ADCY5: variants seen among roughly 807,000 people sequenced by gnomAD.
ADCY5 encodes adenylate cyclase type 5.
Under a neutral mutation model 119.7 loss-of-function variants are expected in ADCY5, and 30 were observed. The ratio of observed to expected loss-of-function variants is 0.25; its 90% confidence interval spans 0.19 to 0.34. The LOEUF (loss-of-function observed/expected upper bound fraction) is 0.34. ADCY5 is among the 10% of genes least tolerant of loss of function. The pLI, the probability that ADCY5 is intolerant of heterozygous loss-of-function variation, is 1.00. For missense variants in ADCY5, 1,324 were observed against 1,775.2 expected (o/e 0.75, Z 4.57); for synonymous variants, 753 against 762.2 (o/e 0.99, Z 0.20).
intron 1 of ADCY5, among the ~76,000 whole-genome samples, chr3:123,445,863 A>G (rs1421646971): frequency 6.6e-6 from 1 of 152,226 alleles, no homozygotes; most frequent in Non-Finnish European, 1.5e-5. Context: ...GGATTTGTGC[A>G]TCCATGGAGG....
intron 12 of ADCY5, among the ~76,000 whole-genome samples, chr3:123,309,921 T>C (rs2108296737): frequency 6.6e-6 from 1 of 152,002 alleles, no homozygotes; most frequent in East Asian, 1.9e-4. Flanking sequence ...AAGGTGGGTT[T>C]AGCTACACGC....
At chr3:123,379,069 G>A (rs866717273) in intron 1 of ADCY5, among the ~76,000 whole-genome samples, 7 of 152,082 alleles carry the variant, frequency 4.6e-5, no homozygotes, top group African/African-American at 1.7e-4. Flanking sequence ...TAGTTTCCAC[G>A]AAGGCTGAGA....
At chr3:123,383,737 G>A (rs1418410817) in intron 1 of ADCY5, among the ~76,000 whole-genome samples, 3 of 152,060 alleles carry the variant, frequency 2.0e-5, no homozygotes. Flanking sequence ...AGAGGGAAAG[G>A]AAAATGTACA....
At position 123,355,965 on chromosome 3, in the gene ADCY5, A is replaced by C. The variant is rs150771816; in HGVS notation, c.1135-3384T>G. On this transcript the variant is annotated intron_variant, in intron 1 of 20. Transcript: ENST00000462833. The stretch of plus-strand genomic sequence containing the variant: ...ATGTGGTACTAGCATAAGGGTAGAA[A>C]TATAGATATATGGAATAGAATTTAA... 2.7e-4 allele frequency among the ~76,000 whole-genome samples: 41 copies of C among 152,360 alleles called. 1 individual carries two copies. In the East Asian group the frequency reaches 7.9e-3, roughly 29 times the overall value.
chr3:123,426,136 T>C (rs987568090), intron 1 of ADCY5, among the ~76,000 whole-genome samples: 1 of 152,106 alleles, frequency 6.6e-6, no homozygotes, highest in Non-Finnish European at 1.5e-5. Context: ...CATCATGATA[T>C]CTCATTTCAT....
Position 123,291,227 on chromosome 3 carries a change from C to T in ADCY5, c.3213G>A (p.Ala1071=), listed in dbSNP as rs111603078. The part of the protein sequence containing the change: ...ELYYQSCECV[A]VMFASIANFS... ...AGTTGGCGATGGAGGCGAACATGAC[C>T]GCCACACACTCACAGGACTGATAGT... is the stretch of plus-strand genomic sequence containing the variant. The change falls in exon 18 of 21, where the codon GCG becomes GCA. Residue 1071 remains alanine, a synonymous_variant. Transcript: ENST00000462833. The T allele has an allele frequency of 4.8e-5, 78 of 1,613,942 alleles. No individual in the cohort carries two copies. The highest frequency in any genetic ancestry group is 4.3e-4 in the African/African-American group (32 of 74,934).
intron 1 of ADCY5, among the ~76,000 whole-genome samples, chr3:123,435,256 A>G (rs948238190): frequency 6.6e-6 from 1 of 152,238 alleles, no homozygotes; most frequent in African/African-American, 2.4e-5. Flanking sequence ...ACTGCACTCC[A>G]GCCTGGGCAA....
At position 123,304,167 on chromosome 3, in the gene ADCY5, A is replaced by G; in HGVS notation, c.2459T>C (p.Leu820Pro). 9.1e-7 allele frequency: 1 copy of G among 1,096,264 alleles called. No individual in the cohort carries two copies. Among genetic ancestry groups the G allele is most frequent in the Non-Finnish European group, 1.3e-6 (1 of 795,556 alleles). 67.9% of individuals were successfully genotyped at this position (1,096,264 alleles called of 1,614,324 possible). ...CACGATCTTCCTGGAGAGGGTCTGC[A>G]GTGGGGAGGGGAAGAGCTAGGGTGG... ...YSCVKLFPSP[L>P]QTLSRKIVRS... Residue 820 changes from leucine to proline, a missense_variant, in exon 13 of 21, where the codon CTG (leucine) becomes CCG (proline). Leu to Pro is a moderately conservative substitution (Grantham distance 98). Transcript: ENST00000462833.
At chr3:123,446,179 G>A (rs1945809208) in intron 1 of ADCY5, among the ~76,000 whole-genome samples, 1 of 152,186 alleles carries the variant, frequency 6.6e-6, no homozygotes, top group Non-Finnish European at 1.5e-5. Flanking sequence ...ACCCATAACA[G>A]TGCTATTCTC....
chr3:123,347,423 G>A (rs1447609495), intron 3 of ADCY5, among the ~76,000 whole-genome samples: 1 of 152,172 alleles, frequency 6.6e-6, no homozygotes, highest in African/African-American at 2.4e-5. Flanking sequence ...TGGTGAAGAT[G>A]AGATGATGGT....
chr3:123,355,168 CTCTA>C (rs1437381413), intron 1 of ADCY5, among the ~76,000 whole-genome samples: 1 of 152,164 alleles, frequency 6.6e-6, no homozygotes, highest in Non-Finnish European at 1.5e-5. Flanking sequence ...ATAAAACTGT[CTCTA>C]TTTGCAGATG....
chr3:123,325,121 C>G (rs552991804), intron 8 of ADCY5, among the ~76,000 whole-genome samples: 207 of 152,362 alleles, frequency 1.4e-3, no homozygotes, highest in African/African-American at 4.7e-3. Flanking sequence ...TGAGGCATGC[C>G]ACGGGGTGGT....
intron 8 of ADCY5, among the ~76,000 whole-genome samples, chr3:123,324,404 C>CCACACACA (rs10522987): frequency 5.5e-4 from 60 of 109,710 alleles, no homozygotes; most frequent in Admixed American, 8.4e-4. Flanking sequence ...CACACAGAAA[C>CCACACACA]CACACACACA....
chr3:123,368,763 A>C (rs904585155), intron 1 of ADCY5, among the ~76,000 whole-genome samples: 1 of 151,980 alleles, frequency 6.6e-6, no homozygotes, highest in Non-Finnish European at 1.5e-5. Flanking sequence ...AAAAAAAAAA[A>C]AAAAGGTACA....
At chr3:123,394,893 A>ACTT (rs949278872) in intron 1 of ADCY5, among the ~76,000 whole-genome samples, 45 of 152,324 alleles carry the variant, frequency 3.0e-4, no homozygotes, top group African/African-American at 1.1e-3. Context: ...CTTTCAGAAG[A>ACTT]CTTCTATCAG....
intron 5 of ADCY5, among the ~76,000 whole-genome samples, chr3:123,329,444 G>A (rs1204962609): frequency 2.6e-5 from 4 of 152,176 alleles, no homozygotes; most frequent in Admixed American, 2.6e-4. Flanking sequence ...AGTAGACAGG[G>A]CAGGCCCTCC....
intron 3 of ADCY5, among the ~76,000 whole-genome samples, chr3:123,347,388 A>G (rs538319713): frequency 1.0e-3 from 159 of 152,306 alleles, no homozygotes; most frequent in Non-Finnish European, 1.7e-3. Flanking sequence ...GCACTGGCTT[A>G]GGAGGCATGG....
chr3:123,314,201 A>G (rs774817278), intron 12 of ADCY5, 34 bp downstream of exon 12: 1 of 1,551,226 alleles, frequency 6.4e-7, no homozygotes, highest in South Asian at 1.1e-5. Flanking sequence ...AGCGGGAAGA[A>G]GGTGGCTGCA....
intron 10 of ADCY5, among the ~76,000 whole-genome samples, chr3:123,318,729 A>G (rs1941055413): frequency 6.6e-6 from 1 of 152,184 alleles, no homozygotes; most frequent in Non-Finnish European, 1.5e-5. Context: ...TTTAATGCTG[A>G]TGAGCATACC....
Sources: allele counts gnomAD v4.1 joint callset (sites outside exome capture counted in the v4.1 genomes callset), GRCh38; gene constraint gnomAD v4.1.1; transcripts MANE v1.5; gene names NCBI Gene and HGNC (gene_info 2026-07-23, HGNC 2026-07-21).